GRM7: variants seen among roughly 807,000 people sequenced by gnomAD.
GRM7 encodes metabotropic glutamate receptor 7.
A neutral mutation model predicts 84.5 loss-of-function variants in GRM7; 35 were observed. The observed-to-expected ratio is 0.41, with a 90% confidence interval of 0.32 to 0.55. The LOEUF (loss-of-function observed/expected upper bound fraction) is 0.55, where lower values mean the gene tolerates loss of function less well. Among genes scored for constraint, GRM7 ranks in the 20% least tolerant of loss-of-function variants. The probability of loss-of-function intolerance (pLI) is 0.19; values close to 1 mark genes in which losing one functional copy is unlikely to be tolerated. For missense variants in GRM7, 1,003 were observed against 1,194.6 expected (o/e 0.84, Z 2.36); for synonymous variants, 487 against 455.1 (o/e 1.07, Z -0.89).
At chr3:7,262,785 C>T (rs1559536520) in intron 2 of GRM7, among the ~76,000 whole-genome samples, 1 of 152,224 alleles carries the variant, frequency 6.6e-6, no homozygotes, top group Non-Finnish European at 1.5e-5. Flanking sequence ...GCAACCTCCA[C>T]CTCCTGGGTT....
At chr3:7,653,735 G>C (rs1699059109) in intron 8 of GRM7, among the ~76,000 whole-genome samples, 1 of 152,168 alleles carries the variant, frequency 6.6e-6, no homozygotes, top group African/African-American at 2.4e-5. Context: ...ATTCAAATTT[G>C]AATTTACAGA....
At chr3:7,133,204 T>G (rs1693662147) in intron 1 of GRM7, among the ~76,000 whole-genome samples, 1 of 152,162 alleles carries the variant, frequency 6.6e-6, no homozygotes, top group Non-Finnish European at 1.5e-5. Flanking sequence ...AAGCAAAATG[T>G]GAAAAGCAGA....
At chr3:7,005,198 A>G (rs139283349) in intron 1 of GRM7, among the ~76,000 whole-genome samples, 86 of 152,312 alleles carry the variant, frequency 5.6e-4, no homozygotes, top group Middle Eastern at 3.4e-3. Flanking sequence ...ATTAAGGACC[A>G]TGGGCCTACT....
chr3:6,997,561 C>G (rs998345171), intron 1 of GRM7, among the ~76,000 whole-genome samples: 2 of 152,126 alleles, frequency 1.3e-5, no homozygotes, highest in African/African-American at 4.8e-5. Flanking sequence ...GGTAACTGCC[C>G]CCATGATTCA....
At chr3:7,356,419 A>C (rs1382567336) in intron 4 of GRM7, among the ~76,000 whole-genome samples, 1 of 151,684 alleles carries the variant, frequency 6.6e-6, no homozygotes, top group Non-Finnish European at 1.5e-5. Context: ...CTCCTGCCTC[A>C]GCCTCCCAAC....
intron 1 of GRM7, among the ~76,000 whole-genome samples, chr3:7,063,598 C>T (rs1697510397): frequency 6.6e-6 from 1 of 151,744 alleles, no homozygotes; most frequent in Admixed American, 6.6e-5. Context: ...CAGATAATTA[C>T]TTTCTTTTAC....
At chr3:7,328,992 G>C (rs891757448) in intron 4 of GRM7, among the ~76,000 whole-genome samples, 2 of 151,964 alleles carry the variant, frequency 1.3e-5, no homozygotes, top group Non-Finnish European at 2.9e-5. Context: ...TTTTCTGAGA[G>C]TTAGCTTTGA....
chr3:7,525,174 G>A (rs1700745211), intron 7 of GRM7, among the ~76,000 whole-genome samples: 1 of 151,784 alleles, frequency 6.6e-6, no homozygotes, highest in Non-Finnish European at 1.5e-5. Context: ...TAAATGACGA[G>A]TTAATGGGTG....
chr3:6,882,203 G>C (rs999941352), intron 1 of GRM7, among the ~76,000 whole-genome samples: 1 of 152,004 alleles, frequency 6.6e-6, no homozygotes, highest in South Asian at 2.1e-4. Flanking sequence ...TCCAAATGAT[G>C]AATTTGTGGA....
At chr3:7,060,582 A>G (rs1217143389) in intron 1 of GRM7, among the ~76,000 whole-genome samples, 1 of 151,832 alleles carries the variant, frequency 6.6e-6, no homozygotes, top group Non-Finnish European at 1.5e-5. Context: ...AACATCATTA[A>G]TGAACTATTA....
In GRM7 at chr3:7,417,295, T is replaced by C. The variant is rs572395616; in HGVS notation, c.1174+2132T>C. 2.6e-5 allele frequency among the ~76,000 whole-genome samples: 4 copies of C among 152,242 alleles called. No homozygotes were observed. The South Asian group carries it at 6.2e-4, about 24-fold the overall frequency. ...TTTCTTTGTGATGAGCTGTACCATA[T>C]GGAATGGAGGTAGATACTGTTACCA... is the stretch of plus-strand genomic sequence containing the variant. On this transcript the variant is annotated intron_variant, in intron 5 of 9. Transcript: ENST00000357716.
In GRM7 at chr3:6,886,896, G is replaced by GT. The variant is rs575294276; in HGVS notation, c.519+24998dup. Among the ~76,000 whole-genome samples the GT allele has an allele frequency of 3.7e-4, 55 of 150,458 alleles. No individual in the cohort carries two copies. The East Asian group carries it at 7.2e-3, about 20-fold the overall frequency. On this transcript the variant is annotated intron_variant, in intron 1 of 9. Coordinates refer to ENST00000357716, the MANE Select transcript of GRM7 (RefSeq NM_000844.4). ...ATTTTATATAGATATTATCTTCCAA[G>GT]TTTTTTTTTCAGAGGACATTGAGGA...
chr3:6,929,533 A>AT (rs146699255), intron 1 of GRM7, among the ~76,000 whole-genome samples: 12,100 of 151,468 alleles, frequency 0.08, 632 homozygotes, highest in Admixed American at 0.12. Flanking sequence ...TTTTTACTTT[A>AT]TTTTTTTTTC....
At chr3:7,712,258 A>G (rs332934) in intron 9 of GRM7, among the ~76,000 whole-genome samples, 62,953 of 152,080 alleles carry the variant, frequency 0.41, 16,240 homozygotes, top group Non-Finnish European at 0.59. Context: ...CTTTCTCATA[A>G]TGTGTATGAT....
chr3:7,256,901 G>T (rs1382745476), intron 2 of GRM7, among the ~76,000 whole-genome samples: 1 of 152,156 alleles, frequency 6.6e-6, no homozygotes, highest in African/African-American at 2.4e-5. Context: ...TTTTTCAGAG[G>T]TATTTGAGAA....
intron 2 of GRM7, among the ~76,000 whole-genome samples, chr3:7,209,274 C>A (rs1046593471): frequency 6.6e-6 from 1 of 152,160 alleles, no homozygotes; most frequent in African/African-American, 2.4e-5. Context: ...CATCCTAGGT[C>A]AAACCACTGT....
rs185741614 is a variant in GRM7 at position 7,246,338 on chromosome 3, T to G, written c.737-52346T>G. Among the ~76,000 whole-genome samples, 376 of 152,274 alleles carry G rather than the reference T, an allele frequency of 2.5e-3. 1 individual carries two copies. Among genetic ancestry groups the G allele is most frequent in the Middle Eastern group, 6.8e-3 (2 of 294 alleles). ...GGGGAGCCTTAAATTTAGGCTTTCC[T>G]TAGTGAATGAATTCTGCACATTGGC... On this transcript the variant is annotated intron_variant, in intron 2 of 9. Coordinates refer to ENST00000357716, the MANE Select transcript of GRM7 (RefSeq NM_000844.4).
At chr3:7,010,917 A>T (rs1695347034) in intron 1 of GRM7, among the ~76,000 whole-genome samples, 1 of 152,232 alleles carries the variant, frequency 6.6e-6, no homozygotes, top group Non-Finnish European at 1.5e-5. Context: ...AGTCAGGAAA[A>T]GAATTGCAGA....
intron 2 of GRM7, among the ~76,000 whole-genome samples, chr3:7,204,875 T>A (rs1409268692): frequency 6.6e-6 from 1 of 152,228 alleles, no homozygotes; most frequent in African/African-American, 2.4e-5. Context: ...ATGTTTTAGG[T>A]CAATATGTTG....
Sources: allele counts gnomAD v4.1 joint callset (sites outside exome capture counted in the v4.1 genomes callset), GRCh38; gene constraint gnomAD v4.1.1; transcripts MANE v1.5; gene names NCBI Gene and HGNC (gene_info 2026-07-23, HGNC 2026-07-21).